RNF168: variants seen among roughly 807,000 people sequenced by gnomAD.
RNF168 encodes ring finger protein 168.
Under a neutral mutation model 34.9 loss-of-function variants are expected in RNF168, and 34 were observed. That is an observed-to-expected ratio of 0.97 (90% confidence interval 0.74 to 1.30). The LOEUF (loss-of-function observed/expected upper bound fraction) is 1.30. Ranked by LOEUF, RNF168 falls within the 50% of genes most tolerant of loss-of-function variation. The pLI, the probability that RNF168 is intolerant of heterozygous loss-of-function variation, is 0.00. For missense variants in RNF168, 725 were observed against 682.5 expected (o/e 1.06, Z -0.69); for synonymous variants, 264 against 254.7 (o/e 1.04, Z -0.35).
intron 4 of RNF168, among the ~76,000 whole-genome samples, chr3:196,482,088 C>T (rs1226268356): frequency 6.6e-6 from 1 of 151,462 alleles, no homozygotes; most frequent in African/African-American, 2.4e-5. Context: ...ATTACAGGTA[C>T]GTGCCACAAC....
Position 196,503,138 on chromosome 3 carries a change from G to A in RNF168, c.36C>T (p.Ser12=). 6.2e-7 allele frequency: 1 copy of A among 1,614,134 alleles called. No homozygotes were observed. Among genetic ancestry groups the A allele is most frequent in the South Asian group, 1.1e-5 (1 of 91,070 alleles). The part of the protein sequence containing the change: ...ALPKDAIPSL[S]ECQCGICMEI... Reference sequence around the variant, plus strand: ...CCATGCAGATCCCGCACTGGCACTCGGACAGCGAGGGGATGGCGTCTTTGG... The same window carrying A: ...CCATGCAGATCCCGCACTGGCACTCAGACAGCGAGGGGATGGCGTCTTTGG... Residue 12 remains serine, a synonymous_variant, in exon 1 of 6, where the codon TCC becomes TCT. Transcript: ENST00000318037.
chr3:196,479,865 T>G (rs931112915), intron 4 of RNF168, among the ~76,000 whole-genome samples: 11 of 152,196 alleles, frequency 7.2e-5, no homozygotes, highest in African/African-American at 1.2e-4. Context: ...GTGCTAGGAT[T>G]ACACGCATAA....
intron 4 of RNF168, among the ~76,000 whole-genome samples, chr3:196,477,320 G>A (rs1306647887): frequency 1.3e-5 from 2 of 152,056 alleles, no homozygotes; most frequent in Admixed American, 6.6e-5. Flanking sequence ...TTTAGAATTA[G>A]AGAAAAAAAG....
chr3:196,486,960 T>C (rs769382471), intron 3 of RNF168, among the ~76,000 whole-genome samples: 1 of 151,796 alleles, frequency 6.6e-6, no homozygotes, highest in South Asian at 2.1e-4. Context: ...ACTCGGGAGG[T>C]TGGAAGGATC....
intron 3 of RNF168, among the ~76,000 whole-genome samples, chr3:196,484,297 G>A (rs1476122375): frequency 6.7e-6 from 1 of 149,386 alleles, no homozygotes; most frequent in African/African-American, 2.5e-5. Flanking sequence ...TCAGCCTCCT[G>A]AGTAGCTGGG....
At chr3:196,499,377 T>C (rs1310354787) in intron 1 of RNF168, among the ~76,000 whole-genome samples, 2 of 152,168 alleles carry the variant, frequency 1.3e-5, no homozygotes, top group East Asian at 1.9e-4. Flanking sequence ...TGCTCCCTGC[T>C]AGCATCTTGG....
In RNF168 at chr3:196,475,437, T is replaced by C. The variant is rs73891248; in HGVS notation, c.681-125A>G. 2.6e-3 allele frequency: 1,831 copies of C among 695,560 alleles called. 22 individuals carry two copies. The African/African-American group carries it at 0.028, about 11-fold the overall frequency. 43.1% of individuals were successfully genotyped at this position (695,560 alleles called of 1,614,324 possible). On this transcript the variant is annotated intron_variant, in intron 4 of 5. Coordinates refer to ENST00000318037, the MANE Select transcript of RNF168 (RefSeq NM_152617.4). Reference sequence around the variant, plus strand: ...CTTGGCTGTTTTATCAGAGTGTATCTCATTTCCGTGCTTCAGATATTTTGG... The same window carrying C: ...CTTGGCTGTTTTATCAGAGTGTATCCCATTTCCGTGCTTCAGATATTTTGG...
chr3:196,502,767 T>C, intron 1 of RNF168, 106 bp downstream of exon 1: 5 of 940,694 alleles, frequency 5.3e-6, no homozygotes, highest in Non-Finnish European at 8.5e-6. Flanking sequence ...AGACAAATAC[T>C]AGTCGGGTTT....
At chr3:196,494,798 G>C (rs894985112) in intron 1 of RNF168, among the ~76,000 whole-genome samples, 1 of 152,188 alleles carries the variant, frequency 6.6e-6, no homozygotes. Flanking sequence ...TGAGGCAGGA[G>C]TATCACTTGA....
Position 196,468,852 on chromosome 3 carries a change from C to T in RNF168, c.*2967G>A. On this transcript the variant is annotated 3_prime_UTR_variant, in exon 6 of 6. Transcript: ENST00000318037. ...CAGCCTTAGTACTCCCTGAGAAATTCAGTGTTTGCATATCCTTTCCACAAA... is the reference window on the plus strand; with the variant it reads ...CAGCCTTAGTACTCCCTGAGAAATTTAGTGTTTGCATATCCTTTCCACAAA... 6.6e-6 allele frequency: 1 copy of T among 152,044 alleles called. No individual in the cohort carries two copies. Among genetic ancestry groups the T allele is most frequent in the East Asian group, 1.9e-4 (1 of 5,188 alleles). 9.4% of individuals were successfully genotyped at this position (152,044 alleles called of 1,614,324 possible).
chr3:196,488,861 A>AT (rs926850531), intron 1 of RNF168, among the ~76,000 whole-genome samples, 178 bp from the exon 2 acceptor site: 214 of 151,554 alleles, frequency 1.4e-3, no homozygotes, highest in African/African-American at 5.0e-3. Flanking sequence ...TATTTTATTT[A>AT]TTTTTTTTGA....
rs547886488 is a variant in RNF168, at chr3:196,472,046, C to T, written c.1489G>A (p.Gly497Arg). ...LNGQRKNPKD[G>R]NFKRQTHTKH... Reference sequence around the variant, plus strand: ...GTGTGAGTTTGCCTTTTGAAGTTCCCATCTTTGGGATTCTTCCTCTGTCCA... The same window carrying T: ...GTGTGAGTTTGCCTTTTGAAGTTCCTATCTTTGGGATTCTTCCTCTGTCCA... The change falls in exon 6 of 6, where the codon GGG (glycine) becomes AGG (arginine). Residue 497 changes from glycine (G) to arginine (R), a missense_variant. Transcript: ENST00000318037. 2.5e-6 allele frequency: 4 copies of T among 1,613,834 alleles called. No individual in the cohort carries two copies. The highest frequency in any genetic ancestry group is 1.1e-5 in the South Asian group (1 of 91,028).
intron 1 of RNF168, among the ~76,000 whole-genome samples, chr3:196,492,064 G>A (rs184253032): frequency 1.3e-5 from 2 of 152,328 alleles, no homozygotes; most frequent in Admixed American, 6.5e-5. Context: ...TGGTGGTGAC[G>A]GCTGCACAAA....
chr3:196,484,171 C>CTT lies in RNF168; in HGVS notation c.559-282_559-281dup, dbSNP rs71699491. On this transcript the variant is annotated intron_variant, in intron 3 of 5. Transcript: ENST00000318037. ...GATAATTCCTGTTGATCTTTCTTTCCTTTTTTTTTTTTTTTTTGAGACGCA... is the reference window on the plus strand; with the variant it reads ...GATAATTCCTGTTGATCTTTCTTTCCTTTTTTTTTTTTTTTTTTTGAGACGCA... Among the ~76,000 whole-genome samples the CTT allele has an allele frequency of 9.2e-5, 11 of 119,454 alleles. 1 individual carries two copies. Among genetic ancestry groups the CTT allele is most frequent in the Admixed American group, 1.8e-4 (2 of 11,022 alleles). 78.4% of individuals were successfully genotyped at this position (119,454 alleles called of 152,430 possible).
intron 4 of RNF168, among the ~76,000 whole-genome samples, chr3:196,476,187 C>T (rs1732146334): frequency 6.6e-6 from 1 of 151,908 alleles, no homozygotes; most frequent in African/African-American, 2.4e-5. Context: ...TTGAAAAAAG[C>T]TTAAAAAAGC....
intron 3 of RNF168, among the ~76,000 whole-genome samples, chr3:196,486,919 G>C (rs1732440803): frequency 6.6e-6 from 1 of 152,162 alleles, no homozygotes; most frequent in Non-Finnish European, 1.5e-5. Flanking sequence ...AAAGTAGCCA[G>C]GCATGGTAGT....
At chr3:196,489,139 A>G (rs1732531091) in intron 1 of RNF168, among the ~76,000 whole-genome samples, 1 of 152,126 alleles carries the variant, frequency 6.6e-6, no homozygotes, top group Non-Finnish European at 1.5e-5. Context: ...TACAGGTGTG[A>G]GCCACCACGC....
chr3:196,493,848 T>A (rs945197686), intron 1 of RNF168, among the ~76,000 whole-genome samples: 1 of 145,026 alleles, frequency 6.9e-6, no homozygotes, highest in East Asian at 2.0e-4. Context: ...TTTCTTTTTT[T>A]AAATTTATTT....
intron 4 of RNF168, among the ~76,000 whole-genome samples, chr3:196,480,904 C>T (rs966934791): frequency 1.3e-5 from 2 of 152,132 alleles, no homozygotes; most frequent in South Asian, 2.1e-4. Context: ...CTCAGTCTCC[C>T]GAAGTGCTGG....
Sources: allele counts gnomAD v4.1 joint callset (sites outside exome capture counted in the v4.1 genomes callset), GRCh38; gene constraint gnomAD v4.1.1; transcripts MANE v1.5; gene names NCBI Gene and HGNC (gene_info 2026-07-23, HGNC 2026-07-21).